GPC6: variants seen among roughly 807,000 people sequenced by gnomAD.
The protein encoded by GPC6 is glypican-6.
In GPC6, 14 loss-of-function variants were observed where a neutral mutation model predicts 55.2. That is an observed-to-expected ratio of 0.25 (90% CI 0.17 to 0.40). GPC6 has a LOEUF of 0.40. GPC6 is among the 10% of genes least tolerant of loss of function. The pLI is 1.00. For missense variants in GPC6, 641 were observed against 708.5 expected (o/e 0.90, Z 1.08); for synonymous variants, 278 against 259.6 (o/e 1.07, Z -0.68).
At chr13:94,077,159 A>G (rs979974980) in intron 4 of GPC6, among the ~76,000 whole-genome samples, 2 of 151,758 alleles carry the variant, frequency 1.3e-5, no homozygotes, top group Non-Finnish European at 3.0e-5. Context: ...AATTTCTTTC[A>G]TCAACATTTT....
intron 1 of GPC6, among the ~76,000 whole-genome samples, chr13:93,264,515 T>A (rs1308888280): frequency 6.6e-6 from 1 of 152,114 alleles, no homozygotes; most frequent in Non-Finnish European, 1.5e-5. Flanking sequence ...GCTCCAGTGA[T>A]CCTCCCACCT....
intron 3 of GPC6, among the ~76,000 whole-genome samples, chr13:94,019,573 C>T (rs1882618898): frequency 6.6e-6 from 1 of 152,114 alleles, no homozygotes; most frequent in Admixed American, 6.6e-5. Context: ...TGCATTGCTC[C>T]AGTCACTGCC....
At chr13:94,078,180 G>T (rs1474744604) in intron 4 of GPC6, among the ~76,000 whole-genome samples, 1 of 151,754 alleles carries the variant, frequency 6.6e-6, no homozygotes, top group Non-Finnish European at 1.5e-5. Flanking sequence ...GGACCAAGAA[G>T]AAATCAAAAG....
At chr13:93,634,442 CATAA>C (rs1440850185) in intron 2 of GPC6, among the ~76,000 whole-genome samples, 1 of 152,150 alleles carries the variant, frequency 6.6e-6, no homozygotes, top group Non-Finnish European at 1.5e-5. Context: ...CACTTAGAAC[CATAA>C]ATAAAGATTG....
intron 4 of GPC6, among the ~76,000 whole-genome samples, chr13:94,100,107 ATTG>A (rs1238546631): frequency 6.6e-6 from 1 of 152,146 alleles, no homozygotes; most frequent in Non-Finnish European, 1.5e-5. Context: ...ACCTAAAATA[ATTG>A]TTAATAAGAA....
intron 1 of GPC6, among the ~76,000 whole-genome samples, chr13:93,423,417 A>T (rs1293868031): frequency 6.6e-6 from 1 of 152,228 alleles, no homozygotes; most frequent in Admixed American, 6.5e-5. Context: ...CTCATTGCTT[A>T]ATATTAGGAG....
At chr13:94,141,870 A>G (rs1049767041) in intron 4 of GPC6, among the ~76,000 whole-genome samples, 1 of 152,204 alleles carries the variant, frequency 6.6e-6, no homozygotes, top group Admixed American at 6.5e-5. Flanking sequence ...TCTTTCTAGC[A>G]TGTTGCCCAT....
intron 1 of GPC6, among the ~76,000 whole-genome samples, chr13:93,277,960 T>C (rs950892851): frequency 2.6e-5 from 4 of 152,180 alleles, no homozygotes; most frequent in African/African-American, 4.8e-5. Context: ...TGAAAATAAG[T>C]GTATATTATA....
In GPC6 at chr13:93,947,849, A is replaced by G. The variant is rs981622643; in HGVS notation, c.712-79880A>G. ...TGAGAATTAGCTGGGTCTTAAAAGA[A>G]TCTCTTTGTTTCAGCAGAAAATATA... On this transcript the variant is annotated intron_variant, in intron 3 of 8. Coordinates refer to ENST00000377047, the MANE Select transcript of GPC6 (RefSeq NM_005708.5). 5.9e-5 allele frequency among the ~76,000 whole-genome samples: 9 copies of G among 152,046 alleles called. No individual in the cohort carries two copies. The East Asian group carries it at 1.7e-3, about 29-fold the overall frequency.
intron 3 of GPC6, among the ~76,000 whole-genome samples, chr13:93,944,170 TTTTATTTATTTATTTATTTA>T (rs140286554): frequency 0.023 from 3,281 of 144,970 alleles, 62 homozygotes; most frequent in East Asian, 0.084. Flanking sequence ...CTTCCTTTTA[TTTTATTTATTTATTTATTTA>T]TTTATTTATT....
At chr13:93,306,792 ATGTT>A (rs1878871862) in intron 1 of GPC6, among the ~76,000 whole-genome samples, 1 of 152,152 alleles carries the variant, frequency 6.6e-6, no homozygotes, top group African/African-American at 2.4e-5. Context: ...TCAAAAATAT[ATGTT>A]TAAGTAGCTA....
At chr13:93,295,436 A>G (rs1240453725) in intron 1 of GPC6, among the ~76,000 whole-genome samples, 4 of 120,436 alleles carry the variant, frequency 3.3e-5, no homozygotes, top group Non-Finnish European at 5.6e-5. Context: ...GAAGAGATCG[A>G]AAAAGCAAGT....
At chr13:93,807,126 A>C (rs532308891) in intron 2 of GPC6, among the ~76,000 whole-genome samples, 3 of 152,172 alleles carry the variant, frequency 2.0e-5, no homozygotes, top group Non-Finnish European at 4.4e-5. Flanking sequence ...TTAGCATTGT[A>C]TAGCAATTAA....
intron 4 of GPC6, among the ~76,000 whole-genome samples, chr13:94,176,955 C>G (rs1353987336): frequency 6.6e-6 from 1 of 152,128 alleles, no homozygotes; most frequent in Non-Finnish European, 1.5e-5. Flanking sequence ...AAGTACTACC[C>G]TAAGCGCACA....
intron 1 of GPC6, among the ~76,000 whole-genome samples, chr13:93,346,153 AT>A (rs199830574): frequency 6.6e-5 from 10 of 151,274 alleles, no homozygotes; most frequent in Admixed American, 4.0e-4. Flanking sequence ...ACTGCAGTTC[AT>A]TTTTTTTTCA....
At chr13:94,328,776 G>A (rs2181621) in intron 6 of GPC6, among the ~76,000 whole-genome samples, 30,834 of 152,242 alleles carry the variant, frequency 0.2, 3,530 homozygotes, top group East Asian at 0.51. Context: ...CTGGGGAAGT[G>A]GGCAGCCTGC....
chr13:93,819,862 T>C (rs1886984457), intron 2 of GPC6, among the ~76,000 whole-genome samples: 1 of 152,138 alleles, frequency 6.6e-6, no homozygotes, highest in Admixed American at 6.6e-5. Context: ...TACCAAGAAA[T>C]AAAACATTTA....
At chr13:93,579,034 G>A (rs1876807353) in intron 2 of GPC6, among the ~76,000 whole-genome samples, 1 of 152,024 alleles carries the variant, frequency 6.6e-6, no homozygotes, top group African/African-American at 2.4e-5. Context: ...TTTATATGTT[G>A]GAGCTAAAAA....
intron 2 of GPC6, among the ~76,000 whole-genome samples, chr13:93,715,969 T>C (rs1254992791): frequency 6.6e-6 from 1 of 151,566 alleles, no homozygotes; most frequent in Admixed American, 6.6e-5. Flanking sequence ...TTTCAGTCAA[T>C]GAAGGACTGC....
Sources: allele counts gnomAD v4.1 joint callset (sites outside exome capture counted in the v4.1 genomes callset), GRCh38; gene constraint gnomAD v4.1.1; transcripts MANE v1.5; gene names NCBI Gene and HGNC (gene_info 2026-07-23, HGNC 2026-07-21).